HTR1E: variants seen among roughly 807,000 people sequenced by gnomAD.
The protein encoded by HTR1E is 5-HT-1E.
HTR1E carries 3 observed loss-of-function variants against 3.4 expected under a neutral mutation model. That is an observed-to-expected ratio of 0.89 (90% CI 0.41 to 2.31). The LOEUF is 2.31. HTR1E is among the 30% of genes most tolerant of loss of function. HTR1E has a pLI of 0.05. For missense variants in HTR1E, 392 were observed against 467.0 expected, an observed-to-expected ratio of 0.84 and a Z score of 1.48; for synonymous variants, 170 against 182.8, an observed-to-expected ratio of 0.93 and a Z score of 0.56.
At chr6:87,014,789 C>T (rs28475552) in intron 1 of HTR1E, among the ~76,000 whole-genome samples, 3 of 152,042 alleles carry the variant, frequency 2.0e-5, no homozygotes, top group Admixed American at 6.6e-5. Context: ...GAACATGACA[C>T]ACCAGGGCCT....
chr6:86,992,237 T>C (rs1173227373), intron 1 of HTR1E, among the ~76,000 whole-genome samples: 1 of 152,230 alleles, frequency 6.6e-6, no homozygotes, highest in African/African-American at 2.4e-5. Context: ...AAGAGAAATG[T>C]ATCTGCTTTC....
chr6:86,991,636 T>C (rs543982743), intron 1 of HTR1E, among the ~76,000 whole-genome samples: 1 of 152,180 alleles, frequency 6.6e-6, no homozygotes, highest in East Asian at 1.9e-4. Context: ...CAACAAGCTG[T>C]AGAATAAAAG....
At chr6:86,941,589 C>G (rs1462701472) in intron 1 of HTR1E, among the ~76,000 whole-genome samples, 1 of 152,162 alleles carries the variant, frequency 6.6e-6, no homozygotes, top group Non-Finnish European at 1.5e-5. Flanking sequence ...TTAGAAGAAG[C>G]TATGAAACCT....
chr6:87,011,334 G>A (rs540504543), intron 1 of HTR1E, among the ~76,000 whole-genome samples: 1 of 152,334 alleles, frequency 6.6e-6, no homozygotes, highest in East Asian at 1.9e-4. Flanking sequence ...ACAGAAGTCA[G>A]TACTTAACAC....
At chr6:86,948,873 G>A (rs1767172069) in intron 1 of HTR1E, among the ~76,000 whole-genome samples, 1 of 152,144 alleles carries the variant, frequency 6.6e-6, no homozygotes, top group African/African-American at 2.4e-5. Context: ...GAACTGCAGG[G>A]ACCCAACATA....
chr6:86,979,690 T>C (rs899032325), intron 1 of HTR1E, among the ~76,000 whole-genome samples: 2 of 152,102 alleles, frequency 1.3e-5, no homozygotes, highest in East Asian at 1.9e-4. Flanking sequence ...AAAGTACTTG[T>C]AGGAAACTTA....
intron 1 of HTR1E, among the ~76,000 whole-genome samples, chr6:87,012,644 T>C (rs1768254777): frequency 6.6e-6 from 1 of 152,172 alleles, no homozygotes; most frequent in Non-Finnish European, 1.5e-5. Context: ...ATGAAATCTG[T>C]CTCCATTACC....
At chr6:87,005,302 C>A (rs372253647) in intron 1 of HTR1E, among the ~76,000 whole-genome samples, 2 of 152,080 alleles carry the variant, frequency 1.3e-5, no homozygotes, top group Non-Finnish European at 2.9e-5. Flanking sequence ...GCAATAAGAA[C>A]AAAACTGGAC....
chr6:86,991,651 A>G (rs190875967), intron 1 of HTR1E, among the ~76,000 whole-genome samples: 1 of 152,276 alleles, frequency 6.6e-6, no homozygotes, highest in East Asian at 1.9e-4. Context: ...TAAAAGGAAA[A>G]GTGATGTTTG....
chr6:86,952,629 A>C (rs952701038), intron 1 of HTR1E, among the ~76,000 whole-genome samples: 1 of 152,098 alleles, frequency 6.6e-6, no homozygotes, highest in African/African-American at 2.4e-5. Flanking sequence ...GGGATAATCC[A>C]ATCAATCATA....
At chr6:87,008,369 G>C (rs933998246) in intron 1 of HTR1E, among the ~76,000 whole-genome samples, 1 of 152,052 alleles carries the variant, frequency 6.6e-6, no homozygotes, top group African/African-American at 2.4e-5. Context: ...TTACTAATAT[G>C]AGGGCAAGTT....
At chr6:86,969,594 G>A (rs1337274702) in intron 1 of HTR1E, among the ~76,000 whole-genome samples, 2 of 152,136 alleles carry the variant, frequency 1.3e-5, no homozygotes, top group African/African-American at 4.8e-5. Context: ...GCATTGTATT[G>A]TCTGGTCTCT....
At chr6:86,972,591 T>C (rs891152107) in intron 1 of HTR1E, among the ~76,000 whole-genome samples, 6 of 152,230 alleles carry the variant, frequency 3.9e-5, no homozygotes, top group African/African-American at 1.4e-4. Context: ...CACTATTTAT[T>C]ACAGGTGGAA....
At chr6:86,957,811 A>T (rs2127819559) in intron 1 of HTR1E, among the ~76,000 whole-genome samples, 1 of 152,348 alleles carries the variant, frequency 6.6e-6, no homozygotes, top group African/African-American at 2.4e-5. Context: ...AATAGCTTGC[A>T]TATCGAGATC....
intron 1 of HTR1E, among the ~76,000 whole-genome samples, chr6:86,980,082 G>C (rs778446603): frequency 6.6e-6 from 1 of 152,154 alleles, no homozygotes; most frequent in African/African-American, 2.4e-5. Flanking sequence ...GACAAGATCA[G>C]TCCTTTAGAA....
At chr6:86,953,826 C>T (rs1767283530) in intron 1 of HTR1E, among the ~76,000 whole-genome samples, 1 of 152,110 alleles carries the variant, frequency 6.6e-6, no homozygotes, top group Non-Finnish European at 1.5e-5. Context: ...GCTGGGGAGT[C>T]CTCAGGAAAC....
intron 1 of HTR1E, among the ~76,000 whole-genome samples, chr6:86,950,329 G>A (rs1455828396): frequency 6.6e-6 from 1 of 152,152 alleles, no homozygotes; most frequent in Non-Finnish European, 1.5e-5. Flanking sequence ...TGTTCTTTGA[G>A]TAGAGAACCT....
intron 1 of HTR1E, among the ~76,000 whole-genome samples, chr6:87,012,243 G>A (rs1768249467): frequency 6.6e-6 from 1 of 152,180 alleles, no homozygotes; most frequent in African/African-American, 2.4e-5. Context: ...AGACTTGGGG[G>A]TGTGGTTGGG....
At chr6:87,010,357 G>T (rs1768197247) in intron 1 of HTR1E, among the ~76,000 whole-genome samples, 1 of 108,308 alleles carries the variant, frequency 9.2e-6, no homozygotes, top group African/African-American at 3.6e-5. Flanking sequence ...GGCTGGCCGG[G>T]CGGGGGGCTG....
Sources: allele counts gnomAD v4.1 joint callset (sites outside exome capture counted in the v4.1 genomes callset), GRCh38; gene constraint gnomAD v4.1.1; transcripts MANE v1.5; gene names NCBI Gene and HGNC (gene_info 2026-07-23, HGNC 2026-07-21).